Variants in MAPRE3 observed in about 807,000 individuals in gnomAD.
MAPRE3 encodes the protein microtubule associated protein RP/EB family member 3, also known as microtubule-associated protein RP/EB family member 3.
Under a neutral mutation model 30.5 loss-of-function variants are expected in MAPRE3, and 2 were observed. The ratio of observed to expected loss-of-function variants is 0.07; its 90% CI spans 0.03 to 0.21. The LOEUF (loss-of-function observed/expected upper bound fraction) is 0.21. Among genes scored for constraint, MAPRE3 ranks in the 10% least tolerant of loss-of-function variants. The pLI, the probability that MAPRE3 is intolerant of heterozygous loss-of-function variation, is 1.00. For synonymous variants in MAPRE3, 110 were observed against 127.7 expected, an observed-to-expected ratio of 0.86 and a Z score of 0.93; for missense variants, 204 against 351.8, an observed-to-expected ratio of 0.58 and a Z score of 3.36.
intron 1 of MAPRE3, chr2:27,002,228 T>C (rs554644357): frequency 2.6e-5 from 4 of 152,298 alleles, no homozygotes; most frequent in African/African-American, 9.6e-5. Context: ...CTTTTCAGAG[T>C]GGCATTGTTT....
rs140343492 is a variant in MAPRE3, at chr2:26,989,744, G to A, written c.-8+18942G>A. On this transcript the variant is annotated intron_variant, in intron 1 of 6. Transcript: ENST00000233121. ...AGACTCTCCGGACTTCGTTTGCCTT[G>A]CTTGTCTTATGAAGGATGGTGTGAA... 1.3e-3 allele frequency among the ~76,000 whole-genome samples: 195 copies of A among 152,292 alleles called. 1 individual carries two copies. Among genetic ancestry groups the A allele is most frequent in the African/African-American group, 4.4e-3 (181 of 41,554 alleles).
At chr2:27,002,498 C>T (rs183595891) in intron 1 of MAPRE3, among the ~76,000 whole-genome samples, 1 of 151,876 alleles carries the variant, frequency 6.6e-6, no homozygotes, top group East Asian at 1.9e-4. Context: ...TAAAAGAACC[C>T]ATTTCCCTGT....
In MAPRE3 at chr2:26,986,773, G is replaced by A. The variant is rs1418278571; in HGVS notation, c.-8+15971G>A. 1 of 152,290 alleles carries A rather than the reference G, an allele frequency of 6.6e-6. No homozygotes were observed. The highest frequency in any genetic ancestry group is 1.9e-4 in the East Asian group (1 of 5,198). The allele number at this position is 152,290 out of a possible 1,614,324, so 9.4% of individuals were successfully genotyped here. A position where few individuals can be genotyped will look rare whatever the true frequency, so the allele number is the denominator to read the frequency against. On this transcript the variant is annotated intron_variant, in intron 1 of 6. Coordinates refer to ENST00000233121, the MANE Select transcript of MAPRE3 (RefSeq NM_012326.4). This position sits in a 1 kb window ranked among gnomAD's most constrained non-coding sequence, Gnocchi z 4.2. ...GGTGCCTGTGGAGACACCGGCCACT[G>A]GAGAAGATCCAGAGGATGAATCACA...
intron 1 of MAPRE3, among the ~76,000 whole-genome samples, chr2:27,003,378 GA>G (rs906888732): frequency 3.3e-5 from 5 of 150,570 alleles, no homozygotes; most frequent in African/African-American, 7.3e-5. Flanking sequence ...TCTAAAATCA[GA>G]AAAAAAAATC....
At position 27,026,045 on chromosome 2, in the gene MAPRE3, A is replaced by G. The variant is rs768101709; in HGVS notation, c.777+13A>G. ...CTATGCCACAGAGGTGAGCACTCCCAGGCCCATTGGGCCCTCCCCAGTCTG... is the reference window on the plus strand; with the variant it reads ...CTATGCCACAGAGGTGAGCACTCCCGGGCCCATTGGGCCCTCCCCAGTCTG... On this transcript the variant is annotated intron_variant, in intron 6 of 6. Coordinates refer to ENST00000233121, the MANE Select transcript of MAPRE3 (RefSeq NM_012326.4). 5.0e-6 allele frequency: 8 copies of G among 1,614,046 alleles called. No homozygotes were observed. In the South Asian group the frequency reaches 7.7e-5, roughly 16 times the overall value.
At chr2:26,977,144 A>T (rs559521156) in intron 1 of MAPRE3, among the ~76,000 whole-genome samples, 3 of 152,370 alleles carry the variant, frequency 2.0e-5, no homozygotes, top group African/African-American at 7.2e-5. Flanking sequence ...CATGAAAAAG[A>T]TACTAGAAGA....
intron 1 of MAPRE3, among the ~76,000 whole-genome samples, chr2:26,992,295 C>T (rs894317720): frequency 6.7e-6 from 1 of 150,314 alleles, no homozygotes; most frequent in Non-Finnish European, 1.5e-5. Context: ...GGTACGATCT[C>T]ATCTCACTGC....
intron 1 of MAPRE3, among the ~76,000 whole-genome samples, chr2:27,004,293 C>CACT (rs1484567733): frequency 6.6e-6 from 1 of 152,126 alleles, no homozygotes; most frequent in Admixed American, 6.5e-5. Context: ...GGAAATACAC[C>CACT]ACAGGGCTAC....
intron 1 of MAPRE3, among the ~76,000 whole-genome samples, chr2:27,005,620 G>C (rs528213878): frequency 6.6e-6 from 1 of 152,298 alleles, no homozygotes; most frequent in African/African-American, 2.4e-5. Context: ...CTAAATTAAG[G>C]CACAGTTTTC....
At chr2:26,980,969 G>C (rs574440928) in intron 1 of MAPRE3, among the ~76,000 whole-genome samples, 1 of 152,230 alleles carries the variant, frequency 6.6e-6, no homozygotes, top group East Asian at 1.9e-4. Context: ...TTCTACCCCT[G>C]ACTTTTAGGG....
In MAPRE3 at chr2:26,986,879, TG is replaced by T. The variant is rs1314682611; in HGVS notation, c.-8+16079del. The stretch of plus-strand genomic sequence containing the variant: ...AGTGAGAGGGCTGTGGGAGATGCTA[TG>T]GAAGATGGAAATGGTGCTTGTGGAG... On this transcript the variant is annotated intron_variant, in intron 1 of 6. Transcript: ENST00000233121. This position sits in a 1 kb window ranked among gnomAD's most constrained non-coding sequence, Gnocchi z 4.2. 1 of 152,354 alleles carries T rather than the reference TG, an allele frequency of 6.6e-6. No individual in the cohort carries two copies. Among genetic ancestry groups the T allele is most frequent in the Non-Finnish European group, 1.5e-5 (1 of 68,164 alleles). 9.4% of individuals were successfully genotyped at this position (152,354 alleles called of 1,614,324 possible).
At chr2:26,993,198 A>G (rs1666385475) in intron 1 of MAPRE3, among the ~76,000 whole-genome samples, 3 of 152,036 alleles carry the variant, frequency 2.0e-5, no homozygotes, top group Admixed American at 2.0e-4. Flanking sequence ...ATGAAACCCC[A>G]TCTCTACTAA....
intron 1 of MAPRE3, among the ~76,000 whole-genome samples, chr2:26,987,565 G>C (rs1360605452): frequency 6.6e-6 from 1 of 152,182 alleles, no homozygotes; most frequent in Non-Finnish European, 1.5e-5. Context: ...TTGAACCTGG[G>C]AGGCGGAGGT....
rs1218165404 is a variant in MAPRE3, at chr2:26,985,487, C to T, written c.-8+14685C>T. Among the ~76,000 whole-genome samples, 4 of 152,288 alleles carry T rather than the reference C, an allele frequency of 2.6e-5. No individual in the cohort carries two copies. The East Asian group carries it at 7.7e-4, about 29-fold the overall frequency. On this transcript the variant is annotated intron_variant, in intron 1 of 6. Coordinates refer to ENST00000233121, the MANE Select transcript of MAPRE3 (RefSeq NM_012326.4). The surrounding 1 kb of genome is among the most constrained non-coding windows in gnomAD (Gnocchi z 4.2). Reference sequence around the variant, plus strand: ...CCCACTTGCTCAGGTGTGGCCCAGACCAGTGCTGTACCATACTGCCATGGC... The same window carrying T: ...CCCACTTGCTCAGGTGTGGCCCAGATCAGTGCTGTACCATACTGCCATGGC...
At chr2:27,023,999 A>G in intron 3 of MAPRE3, 97 bp from the exon 4 acceptor site, 2 of 921,728 alleles carry the variant, frequency 2.2e-6, no homozygotes, top group Non-Finnish European at 3.4e-6. Context: ...GCTGCAGCCC[A>G]GGGGCTGGCT....
rs1434638977 is a variant in MAPRE3, at chr2:26,985,275, A to G, written c.-8+14473A>G. 6.6e-6 allele frequency among the ~76,000 whole-genome samples: 1 copy of G among 152,222 alleles called. No individual in the cohort carries two copies. The highest frequency in any genetic ancestry group is 1.5e-5 in the Non-Finnish European group (1 of 68,032). On this transcript the variant is annotated intron_variant, in intron 1 of 6. Transcript: ENST00000233121. The surrounding 1 kb of genome is among the most constrained non-coding windows in gnomAD (Gnocchi z 4.2). ...TTGGCCTTTCCTCAAGTCAGGCAGA[A>G]TCCTACCTGGGCCATCTTCCCAGCT...
intron 1 of MAPRE3, among the ~76,000 whole-genome samples, chr2:26,995,764 G>A (rs960914044): frequency 3.1e-4 from 43 of 139,352 alleles, no homozygotes; most frequent in Admixed American, 2.7e-3. Context: ...AAATACCTGA[G>A]GGTCTTTCTA....
rs150880416 is a variant in MAPRE3, at chr2:26,986,017, T to G, written c.-8+15215T>G. ...CCTTTGTTGTTTTCAGCCACCCAGT[T>G]TGTGGTCATTTGTCACAGTAGGCAC... On this transcript the variant is annotated intron_variant, in intron 1 of 6. Coordinates refer to ENST00000233121, the MANE Select transcript of MAPRE3 (RefSeq NM_012326.4). This position sits in a 1 kb window ranked among gnomAD's most constrained non-coding sequence, Gnocchi z 4.2. Among the ~76,000 whole-genome samples, 841 of 152,320 alleles carry G rather than the reference T, an allele frequency of 5.5e-3. 5 individuals are homozygous for G. Among genetic ancestry groups the G allele is most frequent in the East Asian group, 0.014 (73 of 5,186 alleles).
rs1667124477 is a variant in MAPRE3 at position 27,022,278 on chromosome 2, G to A, written c.60G>A (p.Met20Ile). The A allele has an allele frequency of 1.2e-6, 2 of 1,614,006 alleles. No homozygotes were observed. Among genetic ancestry groups the A allele is most frequent in the African/African-American group, 1.3e-5 (1 of 74,918 alleles). Residue 20 changes from methionine to isoleucine, a missense_variant, in exon 2 of 7, where the codon ATG (methionine) becomes ATA (isoleucine). Coordinates refer to ENST00000233121, the MANE Select transcript of MAPRE3 (RefSeq NM_012326.4). ...GTGAAAATCTGAGTCGCCATGATAT[G>A]CTTGCATGGGTCAACGACTCCCTGC... ...VTSENLSRHD[M>I]LAWVNDSLHL...
Sources: gnomAD v4.1 joint callset for allele counts (sites outside exome capture counted in the v4.1 genomes callset) on GRCh38, gnomAD v4.1.1 for gene constraint, Gnocchi (gnomAD v3.1) non-coding constraint, MANE v1.5 for transcripts, NCBI Gene and HGNC (gene_info 2026-07-23, HGNC 2026-07-21) for gene names.